The following ADAMTSL2 variants were observed in gnomAD, a reference collection of about 807,000 sequenced individuals.
ADAMTSL2 encodes ADAMTS-like protein 2.
A neutral mutation model predicts 117.0 loss-of-function variants in ADAMTSL2; 55 were observed. The ratio of observed to expected loss-of-function variants is 0.47; its 90% confidence interval spans 0.38 to 0.59. The LOEUF (loss-of-function observed/expected upper bound fraction) is 0.59, where lower values mean the gene tolerates loss of function less well. Ranked by LOEUF, ADAMTSL2 falls within the 20% of genes least tolerant of loss-of-function variation. The pLI is 0.00. For synonymous variants in ADAMTSL2, 572 were observed against 566.4 expected, an observed-to-expected ratio of 1.01 and a Z score of -0.14; for missense variants, 1,182 against 1,354.5, an observed-to-expected ratio of 0.87 and a Z score of 2.00.
chr9:133,540,933 T>G lies in ADAMTSL2; in HGVS notation c.614T>G (p.Ile205Ser). Residue 205 changes from isoleucine (I) to serine (S), a missense_variant, in exon 7 of 19, where the codon ATC becomes AGC. By Grantham distance (142) the Ile-to-Ser change is moderately radical. Around this residue, in one of 3 missense-constraint regions of ADAMTSL2, gnomAD observed 372 missense variants for 463.4 expected, o/e 0.80. Transcript: ENST00000651351. ...FSTHTLDKCG[I>S]CQGDGSSCTH... is the part of the protein sequence containing the mutation. ...ACCCACACACTGGACAAGTGTGGCA[T>G]CTGCCAGGGGGACGGTAGCAGCTGC... 1.9e-6 allele frequency: 3 copies of G among 1,613,432 alleles called. No homozygotes were observed. Among genetic ancestry groups the G allele is most frequent in the Non-Finnish European group, 2.5e-6 (3 of 1,180,016 alleles).
In ADAMTSL2 at chr9:133,554,133, C is replaced by G. The variant is rs974775971; in HGVS notation, c.940-224C>G. Among the ~76,000 whole-genome samples, 4 of 152,218 alleles carry G rather than the reference C, an allele frequency of 2.6e-5. No individual in the cohort carries two copies. Among genetic ancestry groups the G allele is most frequent in the Non-Finnish European group, 5.9e-5 (4 of 68,028 alleles). On this transcript the variant is annotated intron_variant, in intron 9 of 18. Coordinates refer to ENST00000651351, the MANE Select transcript of ADAMTSL2 (RefSeq NM_014694.4). This position sits in a 1 kb window ranked among gnomAD's most constrained non-coding sequence, Gnocchi z 5.2. ...CTGTACCCAGGGTGGGCCACTCCCC[C>G]CACCACACATCCCCAGCCCCCGCCC... is the stretch of plus-strand genomic sequence containing the variant.
At chr9:133,540,509 A>T (rs781610960) in intron 5 of ADAMTSL2, 89 bp from the exon 6 acceptor site, 180 of 1,530,392 alleles carry the variant, frequency 1.2e-4, no homozygotes, top group Non-Finnish European at 1.5e-4. Context: ...ATGCAATGGG[A>T]GCTGTCTCAG....
intron 6 of ADAMTSL2, 52 bp from the exon 7 acceptor site, chr9:133,540,826 G>T (rs535762003): frequency 6.2e-7 from 1 of 1,613,198 alleles, no homozygotes; most frequent in South Asian, 1.1e-5. Context: ...GGCGGCCCCG[G>T]GGCCTGGCCA....
intron 12 of ADAMTSL2, among the ~76,000 whole-genome samples, chr9:133,565,797 A>G (rs1830957133): frequency 6.6e-6 from 1 of 151,760 alleles, no homozygotes; most frequent in African/African-American, 2.4e-5. Flanking sequence ...AGACCGTTCC[A>G]TGATGCCCGT....
intron 4 of ADAMTSL2, among the ~76,000 whole-genome samples, chr9:133,538,953 GA>G (rs1830123211): frequency 6.6e-6 from 1 of 152,200 alleles, no homozygotes; most frequent in Non-Finnish European, 1.5e-5. Flanking sequence ...GTTGGAACCT[GA>G]ACACCTTTCC....
rs1034158056 is a variant in ADAMTSL2 at position 133,539,872 on chromosome 9, G to A, written c.411G>A (p.Pro137=). Residue 137 remains proline (P), a splice_region_variant and synonymous_variant, in exon 5 of 19, where the codon CCG becomes CCA. Transcript: ENST00000651351. ...CGCACCAGTGGAAGCCTCTGTACCC[G>A]GGTACCTGCCGCCCTGGGGACCCAC... ...GRTHQWKPLY[P]DDYVHISSKP... The A allele has an allele frequency of 3.0e-5, 47 of 1,550,770 alleles. No homozygotes were observed. The highest frequency in any genetic ancestry group is 1.8e-4 in the South Asian group (15 of 84,068).
chr9:133,561,544 C>T (rs1830729163), intron 12 of ADAMTSL2, among the ~76,000 whole-genome samples: 1 of 152,162 alleles, frequency 6.6e-6, no homozygotes, highest in Non-Finnish European at 1.5e-5. Context: ...CGGGCTACCA[C>T]CCATTGGTGG....
chr9:133,562,188 A>C (rs1432917554), intron 12 of ADAMTSL2, among the ~76,000 whole-genome samples: 2 of 152,196 alleles, frequency 1.3e-5, no homozygotes, highest in Non-Finnish European at 2.9e-5. Flanking sequence ...ACAGCTGGGC[A>C]GTCTGAGCTT....
At chr9:133,572,804 C>T (rs1831141159) in intron 17 of ADAMTSL2, among the ~76,000 whole-genome samples, 2 of 152,160 alleles carry the variant, frequency 1.3e-5, no homozygotes, top group Admixed American at 6.5e-5. Flanking sequence ...CGGTGCATAG[C>T]GGCGGCTCAG....
At chr9:133,533,775 C>T (rs1829987656), upstream of ADAMTSL2, among the ~76,000 whole-genome samples, 2 of 152,184 alleles carry the variant, frequency 1.3e-5, no homozygotes, top group South Asian at 2.1e-4. Context: ...TGCATGGAGG[C>T]AGGGGCATGG....
At chr9:133,535,403 G>A (rs1830027920) in intron 1 of ADAMTSL2, among the ~76,000 whole-genome samples, 1 of 152,008 alleles carries the variant, frequency 6.6e-6, no homozygotes, top group Admixed American at 6.5e-5. Flanking sequence ...GGGCAGGGGA[G>A]GTCAGACTCA....
intron 2 of ADAMTSL2, 117 bp from the exon 3 acceptor site, chr9:133,537,288 C>A (rs1830074762): frequency 8.6e-7 from 1 of 1,165,646 alleles, no homozygotes; most frequent in Admixed American, 2.9e-5. Flanking sequence ...GGGGGCCCAG[C>A]CAGGGGGCTG....
rs1359493983 is a variant in ADAMTSL2 at position 133,563,818 on chromosome 9, G to GGAGAGAGAGAGA, written c.1747+2537_1747+2548dup. Among the ~76,000 whole-genome samples the GGAGAGAGAGAGA allele has an allele frequency of 4.5e-4, 15 of 33,518 alleles. 3 individuals carry two copies. Among genetic ancestry groups the GGAGAGAGAGAGA allele is most frequent in the Non-Finnish European group, 7.0e-4 (11 of 15,784 alleles). The allele number at this position is 33,518 out of a possible 152,430, so 22.0% of individuals were successfully genotyped here. ...GACAGAGAGAGAGAGAGAGAAAGGG[G>GGAGAGAGAGAGA]GAGAGAGAGAGAGAGAGAGAGAGAG... On this transcript the variant is annotated intron_variant, in intron 12 of 18. Coordinates refer to ENST00000651351, the MANE Select transcript of ADAMTSL2 (RefSeq NM_014694.4).
chr9:133,559,983 G>A (rs1830690019), intron 11 of ADAMTSL2, among the ~76,000 whole-genome samples: 1 of 152,240 alleles, frequency 6.6e-6, no homozygotes, highest in Non-Finnish European at 1.5e-5. Context: ...CTGCCTGGCT[G>A]TGGGATCCTC....
chr9:133,565,708 GAC>G (rs1250942441), intron 12 of ADAMTSL2, among the ~76,000 whole-genome samples: 2 of 152,238 alleles, frequency 1.3e-5, no homozygotes, highest in Non-Finnish European at 2.9e-5. Flanking sequence ...CTGGCCTGCA[GAC>G]ACACGCCGCC....
At chr9:133,544,335 A>AGCTG (rs1564496879) in intron 7 of ADAMTSL2, 135 bp from the exon 8 acceptor site, 2 of 798,414 alleles carry the variant, frequency 2.5e-6, no homozygotes, top group Non-Finnish European at 4.5e-6. Context: ...GAGCTGAGCT[A>AGCTG]CACAAGCGGG....
chr9:133,558,510 G>C lies in ADAMTSL2; in HGVS notation c.1649+2580G>C, dbSNP rs900647535. On this transcript the variant is annotated intron_variant, in intron 11 of 18. Transcript: ENST00000651351. The surrounding 1 kb of genome is among the most constrained non-coding windows in gnomAD (Gnocchi z 4.3). ...GAACAAGCTTCTGAGACACAGAGACGCGGAGTCCCTCTCCGCAGCCTTGGG... is the reference window on the plus strand; with the variant it reads ...GAACAAGCTTCTGAGACACAGAGACCCGGAGTCCCTCTCCGCAGCCTTGGG... Among the ~76,000 whole-genome samples the C allele has an allele frequency of 6.6e-6, 1 of 152,208 alleles. No homozygotes were observed. The highest frequency in any genetic ancestry group is 1.5e-5 in the Non-Finnish European group (1 of 68,032).
intron 13 of ADAMTSL2, among the ~76,000 whole-genome samples, chr9:133,567,341 C>A (rs959922265): frequency 1.3e-5 from 2 of 152,234 alleles, no homozygotes. Context: ...TATATTACAG[C>A]GGTATCTTTG....
intron 3 of ADAMTSL2, among the ~76,000 whole-genome samples, chr9:133,538,033 G>T (rs555236975): frequency 2.0e-5 from 3 of 152,234 alleles, no homozygotes; most frequent in Non-Finnish European, 4.4e-5. Context: ...CATGGAGAGC[G>T]TGCTGGTCTC....
Sources: allele counts gnomAD v4.1 joint callset (sites outside exome capture counted in the v4.1 genomes callset), GRCh38; gene constraint gnomAD v4.1.1; regional missense constraint gnomAD v4.1.1; non-coding constraint Gnocchi (gnomAD v3.1); transcripts MANE v1.5; gene names NCBI Gene and HGNC (gene_info 2026-07-23, HGNC 2026-07-21).